Variants in EPHA3 observed in about 807,000 individuals in gnomAD.
EPHA3 encodes ephrin type-A receptor 3.
A neutral mutation model predicts 107.1 loss-of-function variants in EPHA3; 42 were observed. The ratio of observed to expected loss-of-function variants is 0.39; its 90% confidence interval spans 0.31 to 0.51. EPHA3 has a LOEUF of 0.51. Ranked by LOEUF, EPHA3 falls within the 20% of genes least tolerant of loss-of-function variation. EPHA3 has a pLI of 0.78. For missense variants in EPHA3, 1,183 were observed against 1,211.2 expected (o/e 0.98, Z 0.35); for synonymous variants, 461 against 424.8 (o/e 1.09, Z -1.05).
chr3:89,342,050 A>G lies in EPHA3; in HGVS notation c.1266A>G (p.Pro422=), dbSNP rs774311342. 5.0e-6 allele frequency: 8 copies of G among 1,611,876 alleles called. No homozygotes were observed. The East Asian group carries it at 1.3e-4, about 27-fold the overall frequency. The part of the protein sequence containing the change: ...VNGVSELSSP[P]RQFAAVSITT... ...GGGTGTCAGAGCTGAGCTCCCCACCAAGACAGTTTGCTGCGGTCAGCATCA... is the reference window on the plus strand; with the variant it reads ...GGGTGTCAGAGCTGAGCTCCCCACCGAGACAGTTTGCTGCGGTCAGCATCA... The change falls in exon 5 of 17, where the codon CCA becomes CCG. Residue 422 remains proline, a synonymous_variant. Transcript: ENST00000336596.
At chr3:89,231,032 C>T (rs1399166034) in intron 3 of EPHA3, among the ~76,000 whole-genome samples, 1 of 152,046 alleles carries the variant, frequency 6.6e-6, no homozygotes, top group Non-Finnish European at 1.5e-5. Flanking sequence ...ATTAATCACA[C>T]ACAAAACTCA....
intron 2 of EPHA3, among the ~76,000 whole-genome samples, chr3:89,184,220 T>C (rs1705509275): frequency 1.3e-5 from 2 of 152,138 alleles, no homozygotes; most frequent in East Asian, 3.9e-4. Flanking sequence ...ATATTTTCCC[T>C]TGGCTTCATG....
At chr3:89,413,035 C>A in intron 9 of EPHA3, 106 bp from the exon 10 acceptor site, 2 of 1,475,254 alleles carry the variant, frequency 1.4e-6, no homozygotes, top group Non-Finnish European at 1.8e-6. Context: ...GGTTGTGCAC[C>A]TTATGGGGTA....
chr3:89,383,006 C>A (rs115379551), intron 5 of EPHA3, among the ~76,000 whole-genome samples: 2,434 of 152,222 alleles, frequency 0.016, 67 homozygotes, highest in African/African-American at 0.055. Context: ...CTGATATCTA[C>A]TAATATAAAC....
intron 2 of EPHA3, among the ~76,000 whole-genome samples, chr3:89,190,733 G>C (rs1705693616): frequency 6.6e-6 from 1 of 152,044 alleles, no homozygotes; most frequent in African/African-American, 2.4e-5. Context: ...GGAAACCTTT[G>C]AGATACCACA....
chr3:89,188,214 A>G (rs1705619371), intron 2 of EPHA3, among the ~76,000 whole-genome samples: 2 of 152,322 alleles, frequency 1.3e-5, no homozygotes, highest in Admixed American at 1.3e-4. Context: ...AGAAACAAAT[A>G]GATGAAACAC....
At chr3:89,469,105 C>A (rs1710350076) in intron 15 of EPHA3, among the ~76,000 whole-genome samples, 1 of 152,012 alleles carries the variant, frequency 6.6e-6, no homozygotes, top group Non-Finnish European at 1.5e-5. Context: ...GTTAGTAAAA[C>A]TAAACTATAT....
At chr3:89,439,445 T>G (rs1709739513) in intron 13 of EPHA3, among the ~76,000 whole-genome samples, 1 of 152,030 alleles carries the variant, frequency 6.6e-6, no homozygotes, top group Non-Finnish European at 1.5e-5. Flanking sequence ...GGCAACAGAG[T>G]GAGATTTTAT....
intron 3 of EPHA3, among the ~76,000 whole-genome samples, chr3:89,317,656 C>T (rs1706940334): frequency 1.3e-5 from 2 of 151,626 alleles, no homozygotes; most frequent in Non-Finnish European, 2.9e-5. Context: ...TTAAACCTTC[C>T]TCATTTCCTG....
chr3:89,289,754 G>A (rs1314885097), intron 3 of EPHA3, among the ~76,000 whole-genome samples: 3 of 152,174 alleles, frequency 2.0e-5, no homozygotes, highest in South Asian at 2.1e-4. Context: ...ACAGAGACAC[G>A]CACAACAGGA....
intron 7 of EPHA3, among the ~76,000 whole-genome samples, chr3:89,402,825 G>A: frequency 6.6e-6 from 1 of 152,084 alleles, no homozygotes. Flanking sequence ...TTACAGGCAT[G>A]TGCCACAATG....
Position 89,479,409 on chromosome 3 carries a change from G to T in EPHA3, c.2859G>T (p.Lys953Asn). ...IAKISTDDMK[K>N]VGVTVVGPQK... Reference sequence around the variant, plus strand: ...TCTTTTTTTACAGTGACATGAAAAAGGTTGGTGTCACCGTGGTTGGGCCAC... The same window carrying T: ...TCTTTTTTTACAGTGACATGAAAAATGTTGGTGTCACCGTGGTTGGGCCAC... The change falls in exon 17 of 17, where the codon AAG becomes AAT. Residue 953 changes from lysine to asparagine, a missense_variant. Physicochemically the swap from Lys to Asn is moderately conservative, Grantham distance 94. Coordinates refer to ENST00000336596, the MANE Select transcript of EPHA3 (RefSeq NM_005233.6). 3.1e-6 allele frequency: 5 copies of T among 1,613,826 alleles called. No homozygotes were observed. Among genetic ancestry groups the T allele is most frequent in the African/African-American group, 1.3e-5 (1 of 75,036 alleles).
chr3:89,263,280 T>A (rs1454403330), intron 3 of EPHA3, among the ~76,000 whole-genome samples: 1 of 152,098 alleles, frequency 6.6e-6, no homozygotes, highest in Non-Finnish European at 1.5e-5. Context: ...CATTGCTCTT[T>A]TCGCTCTGCT....
At position 89,360,021 on chromosome 3, in the gene EPHA3, A is replaced by G. The variant is rs1354010337; in HGVS notation, c.1306+17931A>G. On this transcript the variant is annotated intron_variant, in intron 5 of 16. Transcript: ENST00000336596. ...TGGAGACATTATTACCCTTATTTTT[A>G]GAAGAAACTTATCAAGAGTTTGCCA... Among the ~76,000 whole-genome samples the G allele has an allele frequency of 4.0e-5, 6 of 150,040 alleles. No homozygotes were observed. In the East Asian group the frequency reaches 9.8e-4, roughly 24 times the overall value.
intron 2 of EPHA3, among the ~76,000 whole-genome samples, chr3:89,161,651 C>T (rs1385484832): frequency 6.6e-6 from 1 of 151,808 alleles, no homozygotes; most frequent in Non-Finnish European, 1.5e-5. Context: ...AATGAGTAAC[C>T]TTGTGTGAAT....
chr3:89,109,855 G>T (rs1707058458), intron 1 of EPHA3, among the ~76,000 whole-genome samples: 1 of 151,924 alleles, frequency 6.6e-6, no homozygotes, highest in Non-Finnish European at 1.5e-5. Context: ...CTTCCAGATT[G>T]TGTCCTATGG....
chr3:89,218,889 A>C (rs558242690), intron 3 of EPHA3, among the ~76,000 whole-genome samples: 26 of 152,318 alleles, frequency 1.7e-4, no homozygotes, highest in African/African-American at 6.3e-4. Flanking sequence ...GTGGGACTGT[A>C]AACTAGTTCA....
rs189003409 is a variant in EPHA3 at position 89,350,989 on chromosome 3, T to G, written c.1306+8899T>G. On this transcript the variant is annotated intron_variant, in intron 5 of 16. Coordinates refer to ENST00000336596, the MANE Select transcript of EPHA3 (RefSeq NM_005233.6). Reference sequence around the variant, plus strand: ...GTCTGCCGGTTCTCAGATCTCCAGCTGCGTGTTGGGAGAACCACTGCTCTC... The same window carrying G: ...GTCTGCCGGTTCTCAGATCTCCAGCGGCGTGTTGGGAGAACCACTGCTCTC... Among the ~76,000 whole-genome samples the G allele has an allele frequency of 3.3e-5, 5 of 151,586 alleles. No individual in the cohort carries two copies. The East Asian group carries it at 9.7e-4, about 29-fold the overall frequency.
At chr3:89,107,872 C>CGT in intron 1 of EPHA3, 36 bp downstream of exon 1, 1 of 1,592,822 alleles carries the variant, frequency 6.3e-7, no homozygotes, top group Non-Finnish European at 8.6e-7. Flanking sequence ...AGCTCTGCCC[C>CGT]GCGGGGCTCA....
Sources: gnomAD v4.1 joint callset for allele counts (sites outside exome capture counted in the v4.1 genomes callset) on GRCh38, gnomAD v4.1.1 for gene constraint, MANE v1.5 for transcripts, NCBI Gene and HGNC (gene_info 2026-07-23, HGNC 2026-07-21) for gene names.